The following CDH13 variants were observed in gnomAD, a reference collection of about 807,000 sequenced individuals.
CDH13 encodes the protein cadherin-13.
CDH13 carries 24 observed loss-of-function variants against 63.8 expected under a neutral mutation model. The observed-to-expected ratio is 0.38, with a 90% CI of 0.27 to 0.53. The LOEUF (loss-of-function observed/expected upper bound fraction) is 0.53, where lower values mean the gene tolerates loss of function less well. CDH13 is among the 20% of genes least tolerant of loss of function. The pLI, the probability that CDH13 is intolerant of heterozygous loss-of-function variation, is 0.85. For missense variants in CDH13, 1,049 were observed against 903.1 expected (o/e 1.16, Z -2.07); for synonymous variants, 503 against 355.3 (o/e 1.42, Z -4.67).
intron 6 of CDH13, among the ~76,000 whole-genome samples, chr16:83,466,106 G>A (rs949783136): frequency 6.6e-6 from 1 of 152,212 alleles, no homozygotes; most frequent in Admixed American, 6.5e-5. Flanking sequence ...AGCAGCCCCT[G>A]CAGTAGCCTT....
chr16:83,636,213 C>T (rs1277384166), intron 8 of CDH13, among the ~76,000 whole-genome samples: 1 of 152,140 alleles, frequency 6.6e-6, no homozygotes, highest in African/African-American at 2.4e-5. Flanking sequence ...TGTCTTATTA[C>T]CGGAGCTGTA....
intron 13 of CDH13, among the ~76,000 whole-genome samples, chr16:83,791,764 C>T (rs2576470): frequency 0.66 from 96,201 of 146,586 alleles, 31,967 homozygotes; most frequent in South Asian, 0.75. Context: ...TGAGCCAAGA[C>T]TGCGCCATTG....
chr16:83,380,421 AT>A (rs1470296033), intron 6 of CDH13, among the ~76,000 whole-genome samples: 4 of 152,144 alleles, frequency 2.6e-5, no homozygotes, highest in Non-Finnish European at 5.9e-5. Context: ...GCTCCCAGCT[AT>A]TTTTTATTTG....
intron 6 of CDH13, among the ~76,000 whole-genome samples, chr16:83,450,231 A>G (rs922157030): frequency 2.6e-5 from 4 of 152,224 alleles, no homozygotes; most frequent in African/African-American, 9.6e-5. Context: ...TGTGAGGCCC[A>G]TAAGCCTGGA....
intron 3 of CDH13, among the ~76,000 whole-genome samples, chr16:83,046,108 A>G (rs1917759993): frequency 6.6e-6 from 1 of 152,104 alleles, no homozygotes; most frequent in Non-Finnish European, 1.5e-5. Flanking sequence ...GCCTAATCTC[A>G]TCATAGTTGA....
chr16:82,757,521 G>A (rs1452298763), intron 1 of CDH13, among the ~76,000 whole-genome samples: 1 of 152,240 alleles, frequency 6.6e-6, no homozygotes, highest in Non-Finnish European at 1.5e-5. Flanking sequence ...TCTGCCCAGA[G>A]GGCTTCCGGA....
chr16:83,673,557 G>A (rs1057398932), intron 9 of CDH13, among the ~76,000 whole-genome samples: 9 of 150,160 alleles, frequency 6.0e-5, no homozygotes, highest in Non-Finnish European at 8.8e-5. Flanking sequence ...GCAACAGAGT[G>A]AGACTCTGTC....
intron 11 of CDH13, among the ~76,000 whole-genome samples, chr16:83,752,724 G>A (rs553033516): frequency 6.6e-6 from 1 of 152,300 alleles, no homozygotes; most frequent in African/African-American, 2.4e-5. Flanking sequence ...CAGACTGTGA[G>A]TCTCATTTTC....
chr16:83,209,542 T>A (rs1170992125), intron 4 of CDH13, among the ~76,000 whole-genome samples: 48 of 152,166 alleles, frequency 3.2e-4, no homozygotes. Flanking sequence ...AAAGGAGGTT[T>A]GTATGACAGA....
chr16:83,125,746 G>A (rs1033151440), intron 4 of CDH13, among the ~76,000 whole-genome samples: 1 of 152,142 alleles, frequency 6.6e-6, no homozygotes, highest in Non-Finnish European at 1.5e-5. Flanking sequence ...TTGAAATTAA[G>A]CAGGAAGATG....
chr16:82,846,249 G>C (rs901334607), intron 1 of CDH13, among the ~76,000 whole-genome samples: 6 of 152,090 alleles, frequency 3.9e-5, no homozygotes, highest in African/African-American at 1.4e-4. Context: ...CATGGTCCCA[G>C]TCCTTATTTT....
At chr16:83,624,338 G>GCCCCCCCCCC (rs202230797) in intron 8 of CDH13, among the ~76,000 whole-genome samples, 17 of 145,104 alleles carry the variant, frequency 1.2e-4, no homozygotes, top group African/African-American at 1.5e-4. Flanking sequence ...ATGAGATAAC[G>GCCCCCCCCCC]CCCCCACCCC....
Position 83,800,556 on chromosome 16 carries a change from C to G in CDH13, c.*5526C>G, listed in dbSNP as rs1904315469. Reference sequence around the variant, plus strand: ...TTGCTTACAGTTTCTGAGCTGTAAACTAACATTTGCTTTACTATGTAGTTA... The same window carrying G: ...TTGCTTACAGTTTCTGAGCTGTAAAGTAACATTTGCTTTACTATGTAGTTA... On this transcript the variant is annotated 3_prime_UTR_variant, in exon 14 of 14. Coordinates refer to ENST00000567109, the MANE Select transcript of CDH13 (RefSeq NM_001257.5). 1 of 152,230 alleles carries G rather than the reference C, an allele frequency of 6.6e-6. No individual in the cohort carries two copies. The highest frequency in any genetic ancestry group is 6.5e-5 in the Admixed American group (1 of 15,282). 9.4% of individuals were successfully genotyped at this position (152,230 alleles called of 1,614,324 possible). A position where few individuals can be genotyped will look rare whatever the true frequency, so the allele number is the denominator to read the frequency against.
chr16:83,430,085 A>G (rs1598001106), intron 6 of CDH13, among the ~76,000 whole-genome samples: 1 of 152,314 alleles, frequency 6.6e-6, no homozygotes, highest in East Asian at 1.9e-4. Flanking sequence ...AAAAATTAAA[A>G]ATAGAGCTAC....
intron 8 of CDH13, among the ~76,000 whole-genome samples, chr16:83,656,256 A>G (rs984119390): frequency 1.3e-5 from 2 of 152,186 alleles, no homozygotes; most frequent in Non-Finnish European, 2.9e-5. Context: ...TGACTCCTGC[A>G]TTTTCAGCCT....
chr16:82,912,080 G>A (rs1051886317), intron 2 of CDH13, among the ~76,000 whole-genome samples: 2 of 151,942 alleles, frequency 1.3e-5, no homozygotes, highest in African/African-American at 4.8e-5. Context: ...CGTCTCTTCA[G>A]CCATCCCATC....
intron 6 of CDH13, among the ~76,000 whole-genome samples, chr16:83,414,953 G>C (rs959381262): frequency 6.6e-6 from 1 of 152,004 alleles, no homozygotes; most frequent in African/African-American, 2.4e-5. Context: ...CCCAGAAGTG[G>C]GTTGCTGGGT....
intron 1 of CDH13, among the ~76,000 whole-genome samples, chr16:82,829,071 C>T (rs1290243072): frequency 6.6e-6 from 1 of 151,956 alleles, no homozygotes; most frequent in African/African-American, 2.4e-5. Flanking sequence ...ATACATTGTC[C>T]AGAAGTAAGG....
At chr16:82,843,624 C>G (rs773350102) in intron 1 of CDH13, among the ~76,000 whole-genome samples, 13 of 152,080 alleles carry the variant, frequency 8.5e-5, no homozygotes, top group Middle Eastern at 3.2e-3. Context: ...AAGAATTTTT[C>G]TGGTGTGAAA....
Sources: gnomAD v4.1 joint callset for allele counts (sites outside exome capture counted in the v4.1 genomes callset) on GRCh38, gnomAD v4.1.1 for gene constraint, MANE v1.5 for transcripts, NCBI Gene and HGNC (gene_info 2026-07-23, HGNC 2026-07-21) for gene names.